SULT4A1: variants seen among roughly 807,000 people sequenced by gnomAD.
SULT4A1 encodes the protein sulfotransferase 4A1.
SULT4A1 carries 11 observed loss-of-function variants against 35.2 expected under a neutral mutation model. The observed-to-expected ratio is 0.31, with a 90% CI of 0.20 to 0.52. The LOEUF is 0.52. Among genes scored for constraint, SULT4A1 ranks in the 20% least tolerant of loss-of-function variants. SULT4A1 has a pLI of 0.97. For synonymous variants in SULT4A1, 152 were observed against 151.8 expected (o/e 1.00, Z -0.01); for missense variants, 271 against 383.7 (o/e 0.71, Z 2.45).
At chr22:43,841,512 G>A (rs967473570) in intron 2 of SULT4A1, among the ~76,000 whole-genome samples, 30 of 152,258 alleles carry the variant, frequency 2.0e-4, no homozygotes, top group Non-Finnish European at 2.4e-4. Context: ...AGGGGAAAGC[G>A]AGGGGGAGGC....
chr22:43,847,813 A>C (rs760758235), intron 1 of SULT4A1, among the ~76,000 whole-genome samples: 4 of 152,248 alleles, frequency 2.6e-5, no homozygotes, highest in Non-Finnish European at 5.9e-5. Context: ...GGCTGGGGCA[A>C]GCCCTGTGAG....
intron 1 of SULT4A1, among the ~76,000 whole-genome samples, chr22:43,860,280 C>A (rs1047716727): frequency 5.9e-5 from 9 of 151,798 alleles, no homozygotes; most frequent in African/African-American, 2.2e-4. Flanking sequence ...AACCATGTCT[C>A]CCCCATCAGA....
intron 1 of SULT4A1, among the ~76,000 whole-genome samples, chr22:43,859,312 T>C (rs1227902630): frequency 1.3e-5 from 2 of 152,250 alleles, no homozygotes; most frequent in Non-Finnish European, 2.9e-5. Flanking sequence ...AGAAACCAGG[T>C]GGCTCACCCA....
rs549267654 is a variant in SULT4A1 at position 43,862,431 on chromosome 22, ACGCGCC to A, written c.-55_-50del. 258,495 of 963,192 alleles carry A rather than the reference ACGCGCC, an allele frequency of 0.27. 36,372 individuals are homozygous for A. Among genetic ancestry groups the A allele is most frequent in the East Asian group, 0.45 (3,613 of 7,982 alleles). The allele number at this position is 963,192 out of a possible 1,614,324, so 59.7% of individuals were successfully genotyped here. On this transcript the variant is annotated 5_prime_UTR_variant, in exon 1 of 7. Transcript: ENST00000330884. The stretch of plus-strand genomic sequence containing the variant: ...CGCCGCCTCCCGGCTCGCAGCCCGC[ACGCGCC>A]CGCGCCCGCGCCCGCGCCCGCGCCC...
chr22:43,841,671 C>T (rs908847968), intron 2 of SULT4A1, 131 bp downstream of exon 2: 9 of 1,403,064 alleles, frequency 6.4e-6, no homozygotes, highest in Non-Finnish European at 7.7e-6. Context: ...GCCAGCTTCT[C>T]CCCTGGCTAT....
At chr22:43,849,647 G>A (rs1267390433) in intron 1 of SULT4A1, among the ~76,000 whole-genome samples, 4 of 152,064 alleles carry the variant, frequency 2.6e-5, no homozygotes, top group African/African-American at 4.8e-5. Context: ...TCCCCTTCCC[G>A]CTGAGAGCCA....
chr22:43,842,662 C>T (rs2063443608), intron 1 of SULT4A1, among the ~76,000 whole-genome samples: 1 of 152,156 alleles, frequency 6.6e-6, no homozygotes, highest in Non-Finnish European at 1.5e-5. Flanking sequence ...CACCCCAAGG[C>T]GCTCCAGGGT....
rs192377290 is a variant in SULT4A1 at position 43,832,530 on chromosome 22, G to A, written c.603+1110C>T. Among the ~76,000 whole-genome samples the A allele has an allele frequency of 9.1e-4, 139 of 152,234 alleles. 1 individual carries two copies. The highest frequency in any genetic ancestry group is 3.0e-3 in the African/African-American group (124 of 41,518). On this transcript the variant is annotated intron_variant, in intron 5 of 6. Transcript: ENST00000330884. Reference sequence around the variant, plus strand: ...AGTGTGTGAGCACAAAGCAACCCAAGAACAACTGCAGGAAACGCAAGGCAC... The same window carrying A: ...AGTGTGTGAGCACAAAGCAACCCAAAAACAACTGCAGGAAACGCAAGGCAC...
intron 1 of SULT4A1, among the ~76,000 whole-genome samples, chr22:43,849,752 C>T (rs890822944): frequency 2.6e-5 from 4 of 152,180 alleles, no homozygotes; most frequent in East Asian, 1.9e-4. Context: ...TCGGGTGCCA[C>T]GAGTGCAGGT....
At chr22:43,859,801 CT>C (rs1019290207) in intron 1 of SULT4A1, among the ~76,000 whole-genome samples, 29 of 152,346 alleles carry the variant, frequency 1.9e-4, no homozygotes, top group African/African-American at 6.5e-4. Context: ...CCCCATGTGG[CT>C]ACTGAGCACC....
At chr22:43,850,547 G>A (rs914030200) in intron 1 of SULT4A1, among the ~76,000 whole-genome samples, 3 of 152,166 alleles carry the variant, frequency 2.0e-5, no homozygotes, top group African/African-American at 4.8e-5. Context: ...CCAGAGACAT[G>A]GGTGGGTGTT....
chr22:43,833,527 T>C (rs1603404610), intron 5 of SULT4A1, 113 bp downstream of exon 5: 7 of 209,706 alleles, frequency 3.3e-5, no homozygotes, highest in South Asian at 5.3e-5. Flanking sequence ...CCTCTGTCCC[T>C]CCTCAGACCC....
Position 43,833,709 on chromosome 22 carries a change from G to A in SULT4A1, c.534C>T (p.His178=), listed in dbSNP as rs369275859. 2.1e-5 allele frequency: 33 copies of A among 1,578,384 alleles called. 1 individual carries two copies. The South Asian group carries it at 3.1e-4, about 15-fold the overall frequency. The change falls in exon 5 of 7, where the codon CAC becomes CAT. Residue 178 remains histidine, a synonymous_variant. Transcript: ENST00000330884. ...TGCGGTGCTCCCAGAACTCCTGCAC[G>A]TGCTCAAACCAGGAGCCGTAGCCCA... ...DKLGYGSWFE[H]VQEFWEHRMD...
chr22:43,838,818 G>C (rs749146549), intron 4 of SULT4A1, 49 bp downstream of exon 4: 1 of 1,609,444 alleles, frequency 6.2e-7, no homozygotes. Flanking sequence ...GGCCGTCCAC[G>C]ACAACAGACG....
At chr22:43,856,890 C>CTT (rs2049406981) in intron 1 of SULT4A1, among the ~76,000 whole-genome samples, 1 of 152,140 alleles carries the variant, frequency 6.6e-6, no homozygotes. Context: ...TCTCTACTAT[C>CTT]TAATATGCTG....
chr22:43,826,809 G>A, intron 6 of SULT4A1: 2 of 985,420 alleles, frequency 2.0e-6, no homozygotes, highest in Non-Finnish European at 2.4e-6. Flanking sequence ...ACTGCAGTGA[G>A]AATTCCCTGA....
chr22:43,854,472 C>T (rs1480221320), intron 1 of SULT4A1, among the ~76,000 whole-genome samples: 1 of 152,212 alleles, frequency 6.6e-6, no homozygotes. Context: ...CAGGGCCTTG[C>T]CCAAAATCAA....
At chr22:43,827,173 G>C in intron 6 of SULT4A1, 1 of 985,426 alleles carries the variant, frequency 1.0e-6, no homozygotes, top group Non-Finnish European at 1.2e-6. Flanking sequence ...TGCTCGTTTA[G>C]AATTCTTTCC....
At chr22:43,858,877 G>A (rs1160601206) in intron 1 of SULT4A1, among the ~76,000 whole-genome samples, 1 of 152,134 alleles carries the variant, frequency 6.6e-6, no homozygotes, top group Non-Finnish European at 1.5e-5. Context: ...CAAAGTGGGT[G>A]GAGGGCAAAA....
Sources: allele counts gnomAD v4.1 joint callset (sites outside exome capture counted in the v4.1 genomes callset), GRCh38; gene constraint gnomAD v4.1.1; transcripts MANE v1.5; gene names NCBI Gene and HGNC (gene_info 2026-07-23, HGNC 2026-07-21).